The following COL22A1 variants were observed in gnomAD, a reference collection of about 807,000 sequenced individuals.
The protein encoded by COL22A1 is collagen alpha-1(XXII) chain.
COL22A1 carries 221 observed loss-of-function variants against 248.9 expected under a neutral mutation model. The ratio of observed to expected loss-of-function variants is 0.89; its 90% CI spans 0.80 to 0.99. COL22A1 has a LOEUF of 0.99. COL22A1 is among the 50% of genes least tolerant of loss of function. COL22A1 has a pLI of 0.00. For synonymous variants in COL22A1, 891 were observed against 793.4 expected, an observed-to-expected ratio of 1.12 and a Z score of -2.07; for missense variants, 2,240 against 2,179.0, an observed-to-expected ratio of 1.03 and a Z score of -0.56.
intron 3 of COL22A1, among the ~76,000 whole-genome samples, chr8:138,847,499 C>G (rs1415272107): frequency 6.6e-6 from 1 of 152,200 alleles, no homozygotes; most frequent in Non-Finnish European, 1.5e-5. Flanking sequence ...GCTGTTTGGT[C>G]TAAGTCAATT....
intron 22 of COL22A1, among the ~76,000 whole-genome samples, chr8:138,742,627 A>G (rs1831707614): frequency 7.0e-6 from 1 of 142,594 alleles, no homozygotes; most frequent in African/African-American, 2.7e-5. Context: ...TGATGGTGGT[A>G]GTGATTGTGA....
At chr8:138,623,899 T>C in intron 51 of COL22A1, 114 bp from the exon 52 acceptor site, 4 of 842,076 alleles carry the variant, frequency 4.8e-6, no homozygotes, top group Non-Finnish European at 7.6e-6. Flanking sequence ...CCTTCACAGT[T>C]GGCAGCTAAG....
chr8:138,801,635 C>T (rs1817007989), intron 11 of COL22A1, among the ~76,000 whole-genome samples: 1 of 152,134 alleles, frequency 6.6e-6, no homozygotes, highest in Non-Finnish European at 1.5e-5. Flanking sequence ...GGCTTTACCC[C>T]AGCAATTAGG....
intron 3 of COL22A1, among the ~76,000 whole-genome samples, chr8:138,857,730 C>T (rs926770481): frequency 6.6e-6 from 1 of 152,232 alleles, no homozygotes; most frequent in African/African-American, 2.4e-5. Context: ...TCAGCTTCAG[C>T]ATCAGGAGAA....
chr8:138,756,658 A>G (rs1833028877), intron 18 of COL22A1, among the ~76,000 whole-genome samples: 1 of 152,180 alleles, frequency 6.6e-6, no homozygotes, highest in Admixed American at 6.5e-5. Flanking sequence ...GAATAAATGA[A>G]TCACCAATTA....
Position 138,755,285 on chromosome 8 carries a change from C to T in COL22A1, c.1978-75G>A, listed in dbSNP as rs1586659797. ...GATCAGGCCCACCATCACCCATGGC[C>T]CTCTCCTGACTCAAAGTTTACTTTC... On this transcript the variant is annotated intron_variant, in intron 20 of 64. Coordinates refer to ENST00000303045, the MANE Select transcript of COL22A1 (RefSeq NM_152888.3). 4 of 1,453,608 alleles carry T rather than the reference C, an allele frequency of 2.8e-6. No homozygotes were observed. The East Asian group carries it at 6.8e-5, about 25-fold the overall frequency. 90.0% of individuals were successfully genotyped at this position (1,453,608 alleles called of 1,614,324 possible). A position where few individuals can be genotyped will look rare whatever the true frequency, so the allele number is the denominator to read the frequency against.
Position 138,877,805 on chromosome 8 carries a change from G to C in COL22A1, c.603C>G (p.Ser201=). The C allele has an allele frequency of 1.2e-6, 2 of 1,610,526 alleles. No homozygotes were observed. Among genetic ancestry groups the C allele is most frequent in the Non-Finnish European group, 1.7e-6 (2 of 1,178,262 alleles). ...GGATCTTGTCGATGGCATTGAAGTCGGACACGTGGAAGACGTGGGCGGACT... is the reference window on the plus strand; with the variant it reads ...GGATCTTGTCGATGGCATTGAAGTCCGACACGTGGAAGACGTGGGCGGACT... ...EPKSAHVFHV[S]DFNAIDKIRG... The change falls in exon 3 of 65, where the codon TCC becomes TCG. Residue 201 remains serine, a synonymous_variant. Transcript: ENST00000303045.
intron 5 of COL22A1, 66 bp from the exon 6 acceptor site, chr8:138,826,847 C>A: frequency 6.3e-7 from 1 of 1,580,314 alleles, no homozygotes. Context: ...CAAAGTGAGC[C>A]CACACAACCC....
Position 138,613,861 on chromosome 8 carries a change from A to G in COL22A1, c.3978+6T>C, listed in dbSNP as rs1390405273. The stretch of plus-strand genomic sequence containing the variant: ...TGAAGCACATTAGTCGCAAAGCAAA[A>G]CTCACCGGTGGGCCCCTTGGTCCTT... On this transcript the variant is annotated splice_donor_region_variant and intron_variant, in intron 56 of 64. Transcript: ENST00000303045. 5 of 1,613,386 alleles carry G rather than the reference A, an allele frequency of 3.1e-6. No individual in the cohort carries two copies. In the Admixed American group the frequency reaches 8.3e-5, roughly 27 times the overall value.
At chr8:138,863,307 G>GT (rs926831859) in intron 3 of COL22A1, among the ~76,000 whole-genome samples, 1 of 152,164 alleles carries the variant, frequency 6.6e-6, no homozygotes, top group African/African-American at 2.4e-5. Flanking sequence ...CAGGCCGGTT[G>GT]TTTTTTGACA....
At chr8:138,769,808 T>C (rs1169497406) in intron 16 of COL22A1, among the ~76,000 whole-genome samples, 1 of 152,142 alleles carries the variant, frequency 6.6e-6, no homozygotes, top group Non-Finnish European at 1.5e-5. Flanking sequence ...GGGTGAGACT[T>C]ATTGATGACT....
At chr8:138,700,243 C>T in intron 31 of COL22A1, 99 bp from the exon 32 acceptor site, 2 of 1,110,676 alleles carry the variant, frequency 1.8e-6, no homozygotes, top group Non-Finnish European at 2.7e-6. Flanking sequence ...TGAAAGAATA[C>T]AGCCCCAAAG....
At chr8:138,829,819 TACAC>T (rs372387939) in intron 5 of COL22A1, among the ~76,000 whole-genome samples, 1 of 152,190 alleles carries the variant, frequency 6.6e-6, no homozygotes, top group African/African-American at 2.4e-5. Context: ...ACCTTTGAAA[TACAC>T]ACAGACAAGT....
chr8:138,715,550 C>T (rs1001868446), intron 30 of COL22A1, 132 bp downstream of exon 30: 2 of 627,930 alleles, frequency 3.2e-6, no homozygotes, highest in South Asian at 4.4e-5. Context: ...GCTTGGATGA[C>T]AGAGAGAGAC....
intron 47 of COL22A1, among the ~76,000 whole-genome samples, chr8:138,645,054 C>A (rs897530182): frequency 6.6e-6 from 1 of 152,166 alleles, no homozygotes. Flanking sequence ...TAATTGAGCT[C>A]ATCCACGCAA....
intron 1 of COL22A1, among the ~76,000 whole-genome samples, chr8:138,900,126 A>G (rs778074444): frequency 2.4e-4 from 37 of 152,162 alleles, no homozygotes; most frequent in Non-Finnish European, 2.9e-4. Context: ...CAAAGACTAT[A>G]CCGCCCAGAA....
At chr8:138,706,177 CAAT>C (rs1007038166) in intron 30 of COL22A1, among the ~76,000 whole-genome samples, 20 of 152,128 alleles carry the variant, frequency 1.3e-4, no homozygotes, top group African/African-American at 4.6e-4. Context: ...GACTCCCACA[CAAT>C]AATAATGGGA....
intron 16 of COL22A1, among the ~76,000 whole-genome samples, chr8:138,771,115 A>G (rs940959275): frequency 6.6e-6 from 1 of 152,224 alleles, no homozygotes; most frequent in Non-Finnish European, 1.5e-5. Flanking sequence ...ATCACAGTGC[A>G]GGGCTGCTCT....
intron 11 of COL22A1, 106 bp downstream of exon 11, chr8:138,802,766 T>C: frequency 1.2e-6 from 1 of 867,508 alleles, no homozygotes; most frequent in Non-Finnish European, 2.0e-6. Context: ...GCCTGGCCCC[T>C]GCCAGGTATT....
Sources: allele counts gnomAD v4.1 joint callset (sites outside exome capture counted in the v4.1 genomes callset), GRCh38; gene constraint gnomAD v4.1.1; transcripts MANE v1.5; gene names NCBI Gene and HGNC (gene_info 2026-07-23, HGNC 2026-07-21).